The following ST6GAL1 variants were observed in gnomAD, a reference collection of about 807,000 sequenced individuals.
The protein encoded by ST6GAL1 is ST6 beta-galactoside alpha-2,6-sialyltransferase 1.
In ST6GAL1, 20 loss-of-function variants were observed where a neutral mutation model predicts 38.0. That is an observed-to-expected ratio of 0.53 (90% CI 0.37 to 0.77). The LOEUF (loss-of-function observed/expected upper bound fraction) is 0.77, where lower values mean the gene tolerates loss of function less well. Among genes scored for constraint, ST6GAL1 ranks in the 30% least tolerant of loss-of-function variants. The pLI is 0.00. For synonymous variants in ST6GAL1, 196 were observed against 188.2 expected, an observed-to-expected ratio of 1.04 and a Z score of -0.34; for missense variants, 432 against 496.4, an observed-to-expected ratio of 0.87 and a Z score of 1.23.
intron 2 of ST6GAL1, among the ~76,000 whole-genome samples, chr3:186,966,690 C>G (rs1175678043): frequency 2.6e-5 from 4 of 152,212 alleles, no homozygotes; most frequent in Admixed American, 6.5e-5. Flanking sequence ...AGCACCAGAG[C>G]TGGGAGCATT....
chr3:187,014,112 T>C (rs1717047244), intron 2 of ST6GAL1, among the ~76,000 whole-genome samples: 1 of 152,238 alleles, frequency 6.6e-6, no homozygotes, highest in Admixed American at 6.5e-5. Context: ...TGCCAGGCAC[T>C]GCACAATCCT....
At chr3:186,986,212 G>A (rs935715983) in intron 2 of ST6GAL1, 1 of 152,014 alleles carries the variant, frequency 6.6e-6, no homozygotes, top group Non-Finnish European at 1.5e-5. Flanking sequence ...ATCATGTTTC[G>A]GGTGTGAGTA....
chr3:186,987,231 GAAGGAAGAAAGGAAAGA>G (rs1388665778), intron 2 of ST6GAL1, among the ~76,000 whole-genome samples: 1 of 151,804 alleles, frequency 6.6e-6, no homozygotes, highest in Non-Finnish European at 1.5e-5. Context: ...AGCAAGGAAG[GAAGGAAGAAAGGAAAGA>G]AAGGAAGAAA....
chr3:186,950,874 CTAGGTGGTGATAAAAACAAACG>C (rs1239950809), intron 1 of ST6GAL1, among the ~76,000 whole-genome samples: 1 of 152,180 alleles, frequency 6.6e-6, no homozygotes, highest in African/African-American at 2.4e-5. Flanking sequence ...TGTGTGTCAC[CTAGGTGGTGATAAAAACAAACG>C]TAGAAGCTTT....
chr3:187,061,362 G>C (rs190971147), intron 5 of ST6GAL1, among the ~76,000 whole-genome samples: 2 of 152,102 alleles, frequency 1.3e-5, no homozygotes, highest in Admixed American at 1.3e-4. Context: ...TTTTTTTGCA[G>C]AAATAGAAAA....
intron 4 of ST6GAL1, among the ~76,000 whole-genome samples, chr3:187,047,753 T>C (rs1718349795): frequency 6.6e-6 from 1 of 151,912 alleles, no homozygotes; most frequent in Non-Finnish European, 1.5e-5. Context: ...AACAGGATTT[T>C]TTTCTCTTTA....
At chr3:186,954,193 G>A (rs1714673357) in intron 1 of ST6GAL1, among the ~76,000 whole-genome samples, 1 of 152,118 alleles carries the variant, frequency 6.6e-6, no homozygotes, top group South Asian at 2.1e-4. Flanking sequence ...AGTATTCCGT[G>A]GTGTATATGT....
chr3:187,021,454 A>G (rs575175239), intron 2 of ST6GAL1, among the ~76,000 whole-genome samples: 11 of 151,510 alleles, frequency 7.3e-5, no homozygotes, highest in Admixed American at 1.3e-4. Flanking sequence ...CAACCCTCCC[A>G]TGAGGCCAGG....
intron 3 of ST6GAL1, among the ~76,000 whole-genome samples, chr3:187,039,574 A>G (rs1718058691): frequency 6.6e-6 from 1 of 152,214 alleles, no homozygotes; most frequent in Non-Finnish European, 1.5e-5. Context: ...ATGGACAAGG[A>G]GAAAGAGTGC....
In ST6GAL1 at chr3:187,043,000, C is replaced by A. The variant is rs1474927008; in HGVS notation, c.297C>A (p.Asp99Glu). The A allele has an allele frequency of 1.5e-5, 25 of 1,614,152 alleles. No homozygotes were observed. Among genetic ancestry groups the A allele is most frequent in the Non-Finnish European group, 1.9e-5 (22 of 1,180,032 alleles). ...PEASFQVWNK[D>E]SSSKNLIPRL... Reference sequence around the variant, plus strand: ...CCTCCTTCCAGGTGTGGAACAAGGACAGCTCTTCCAAAAACCTTATCCCTA... The same window carrying A: ...CCTCCTTCCAGGTGTGGAACAAGGAAAGCTCTTCCAAAAACCTTATCCCTA... The change falls in exon 4 of 8, where the codon GAC becomes GAA. Residue 99 changes from aspartate to glutamate, a missense_variant. Physicochemically the swap from Asp to Glu is conservative, Grantham distance 45 (BLOSUM62 2). Transcript: ENST00000169298.
chr3:187,009,991 C>T (rs890190772), intron 2 of ST6GAL1, among the ~76,000 whole-genome samples: 2 of 152,004 alleles, frequency 1.3e-5, no homozygotes, highest in African/African-American at 2.4e-5. Flanking sequence ...GGCAACAGAG[C>T]GAGACTCCAT....
chr3:186,951,719 A>G (rs1214921052), intron 1 of ST6GAL1, among the ~76,000 whole-genome samples: 1 of 152,230 alleles, frequency 6.6e-6, no homozygotes, highest in Non-Finnish European at 1.5e-5. Context: ...CTGAAAAAAT[A>G]ATGGCAGTCG....
At chr3:187,037,494 T>C (rs1328103914) in intron 2 of ST6GAL1, among the ~76,000 whole-genome samples, 1 of 152,254 alleles carries the variant, frequency 6.6e-6, no homozygotes, top group Admixed American at 6.5e-5. Context: ...TTCTTGCAAC[T>C]GAATGTATTA....
intron 2 of ST6GAL1, among the ~76,000 whole-genome samples, chr3:186,991,660 GGCGTGGGTTCCTTGGGA>G (rs1439688375): frequency 6.6e-6 from 1 of 152,112 alleles, no homozygotes; most frequent in Non-Finnish European, 1.5e-5. Context: ...GTGTTCCTGT[GGCGTGGGTTCCTTGGGA>G]GCGTGGGTGA....
chr3:186,994,641 T>C lies in ST6GAL1; in HGVS notation c.-183+30715T>C, dbSNP rs188797503. Among the ~76,000 whole-genome samples, 43 of 152,304 alleles carry C rather than the reference T, an allele frequency of 2.8e-4. 1 individual carries two copies. The highest frequency in any genetic ancestry group is 2.2e-3 in the Admixed American group (33 of 15,306). ...CATTTTTGCTGTAGATATTTCAGTA[T>C]GTATATTTAAAAGATAGAGACCCTT... On this transcript the variant is annotated intron_variant, in intron 2 of 7. Transcript: ENST00000169298.
At chr3:187,014,561 C>T (rs1476075188) in intron 2 of ST6GAL1, among the ~76,000 whole-genome samples, 2 of 152,344 alleles carry the variant, frequency 1.3e-5, no homozygotes, top group East Asian at 3.9e-4. Context: ...CTGCTTCTTA[C>T]ATCTCCATCC....
Position 186,932,967 on chromosome 3 carries a change from C to T in ST6GAL1, c.-325+2133C>T, listed in dbSNP as rs562547877. Among the ~76,000 whole-genome samples, 13 of 152,300 alleles carry T rather than the reference C, an allele frequency of 8.5e-5. No homozygotes were observed. In the South Asian group the frequency reaches 2.5e-3, roughly 29 times the overall value. On this transcript the variant is annotated intron_variant, in intron 1 of 7. Coordinates refer to ENST00000169298, the MANE Select transcript of ST6GAL1 (RefSeq NM_173216.2). ...ACTTTCAATGTGATTCTGGTAGCAACAGGAGGCAGCTGGATGCCTAGGCAG... is the reference window on the plus strand; with the variant it reads ...ACTTTCAATGTGATTCTGGTAGCAATAGGAGGCAGCTGGATGCCTAGGCAG...
chr3:186,945,158 A>G (rs528553294), intron 1 of ST6GAL1, among the ~76,000 whole-genome samples: 2 of 152,250 alleles, frequency 1.3e-5, no homozygotes, highest in African/African-American at 4.8e-5. Context: ...AATGAAAATC[A>G]TCAGCTGGGT....
At chr3:186,978,964 G>C (rs1322026288) in intron 2 of ST6GAL1, among the ~76,000 whole-genome samples, 1 of 151,700 alleles carries the variant, frequency 6.6e-6, no homozygotes, top group East Asian at 1.9e-4. Flanking sequence ...TACCTTTTCT[G>C]ACTTCTGACT....
Sources: gnomAD v4.1 joint callset for allele counts (sites outside exome capture counted in the v4.1 genomes callset) on GRCh38, gnomAD v4.1.1 for gene constraint, MANE v1.5 for transcripts, NCBI Gene and HGNC (gene_info 2026-07-23, HGNC 2026-07-21) for gene names.